Variants in VWC2L observed in about 807,000 individuals in gnomAD.
The protein encoded by VWC2L is von Willebrand factor C domain containing 2 like.
In VWC2L, 10 loss-of-function variants were observed where a neutral mutation model predicts 21.6. That is an observed-to-expected ratio of 0.46 (90% CI 0.29 to 0.78). The LOEUF is 0.78. VWC2L is among the 30% of genes least tolerant of loss of function. VWC2L has a pLI of 0.10. For missense variants in VWC2L, 209 were observed against 277.1 expected, an observed-to-expected ratio of 0.75 and a Z score of 1.74; for synonymous variants, 96 against 94.3, an observed-to-expected ratio of 1.02 and a Z score of -0.10.
At chr2:214,554,827 G>A (rs1574633849) in intron 3 of VWC2L, among the ~76,000 whole-genome samples, 1 of 152,220 alleles carries the variant, frequency 6.6e-6, no homozygotes, top group Middle Eastern at 3.4e-3. Context: ...CAGACAGCAG[G>A]CCCTGAAAGA....
At chr2:214,526,298 C>A (rs1689335184) in intron 3 of VWC2L, among the ~76,000 whole-genome samples, 1 of 152,058 alleles carries the variant, frequency 6.6e-6, no homozygotes, top group South Asian at 2.1e-4. Context: ...ACTTACATTT[C>A]CATGTAGTTC....
intron 3 of VWC2L, chr2:214,536,715 C>G (rs959777073): frequency 1.3e-5 from 2 of 151,930 alleles, no homozygotes; most frequent in African/African-American, 2.4e-5. Context: ...TATATCTAAT[C>G]TCTTCCTTCC....
intron 3 of VWC2L, among the ~76,000 whole-genome samples, chr2:214,469,578 GAGGGAGA>G (rs1703274950): frequency 6.6e-6 from 1 of 151,002 alleles, no homozygotes; most frequent in Non-Finnish European, 1.5e-5. Context: ...CTGGGCGACA[GAGGGAGA>G]CTCTGTCTCC....
chr2:214,465,733 T>C (rs928199256), intron 3 of VWC2L, among the ~76,000 whole-genome samples: 26 of 152,146 alleles, frequency 1.7e-4, no homozygotes, highest in African/African-American at 6.3e-4. Context: ...CTTTCAAGTT[T>C]ATTTAGGACC....
chr2:214,561,335 C>T (rs1689967195), intron 3 of VWC2L, among the ~76,000 whole-genome samples: 1 of 152,182 alleles, frequency 6.6e-6, no homozygotes, highest in Non-Finnish European at 1.5e-5. Flanking sequence ...AATTGGTTTC[C>T]TCTTGGCCAC....
chr2:214,569,419 G>A (rs1377280867), intron 3 of VWC2L, among the ~76,000 whole-genome samples: 2 of 152,106 alleles, frequency 1.3e-5, no homozygotes, highest in Non-Finnish European at 2.9e-5. Flanking sequence ...CCAGTCTAGT[G>A]GATGTGTCCA....
At chr2:214,551,901 G>A (rs186082810) in intron 3 of VWC2L, among the ~76,000 whole-genome samples, 1 of 152,318 alleles carries the variant, frequency 6.6e-6, no homozygotes, top group East Asian at 1.9e-4. Context: ...CCCAGCAGAC[G>A]ATGTCTTTCC....
chr2:214,434,903 G>A (rs1199116247), intron 2 of VWC2L, among the ~76,000 whole-genome samples: 1 of 152,128 alleles, frequency 6.6e-6, no homozygotes, highest in Non-Finnish European at 1.5e-5. Flanking sequence ...TCAACAAGAA[G>A]GGAACCAGAA....
At chr2:214,528,042 A>C (rs1359032302) in intron 3 of VWC2L, among the ~76,000 whole-genome samples, 2 of 152,250 alleles carry the variant, frequency 1.3e-5, no homozygotes, top group African/African-American at 4.8e-5. Context: ...AACAGAGGAA[A>C]CTGAAGCTCA....
chr2:214,481,243 G>C (rs1037778364), intron 3 of VWC2L, among the ~76,000 whole-genome samples: 1 of 152,188 alleles, frequency 6.6e-6, no homozygotes, highest in African/African-American at 2.4e-5. Context: ...GATTGCAGCA[G>C]AAATGATGTT....
intron 3 of VWC2L, among the ~76,000 whole-genome samples, chr2:214,489,313 G>C (rs2126200321): frequency 6.6e-6 from 1 of 152,280 alleles, no homozygotes; most frequent in Middle Eastern, 3.4e-3. Context: ...ATTTTAAGGA[G>C]AGAAATAGAA....
chr2:214,540,936 T>C (rs1689617248), intron 3 of VWC2L, among the ~76,000 whole-genome samples: 1 of 152,234 alleles, frequency 6.6e-6, no homozygotes, highest in African/African-American at 2.4e-5. Flanking sequence ...TATTGCACTT[T>C]ATTTTAGCCC....
intron 3 of VWC2L, among the ~76,000 whole-genome samples, chr2:214,560,888 C>A (rs1164358364): frequency 1.3e-5 from 2 of 152,162 alleles, no homozygotes; most frequent in African/African-American, 4.8e-5. Context: ...ACCATTTAAC[C>A]ACCATGTACT....
At chr2:214,433,529 C>T (rs1179791579) in intron 2 of VWC2L, among the ~76,000 whole-genome samples, 2 of 152,100 alleles carry the variant, frequency 1.3e-5, no homozygotes, top group South Asian at 4.1e-4. Flanking sequence ...TTTACAGGGA[C>T]ATTTTCAGGT....
At chr2:214,464,782 G>A (rs893989465) in intron 3 of VWC2L, among the ~76,000 whole-genome samples, 1 of 152,110 alleles carries the variant, frequency 6.6e-6, no homozygotes, top group African/African-American at 2.4e-5. Context: ...GGCAGGCCCT[G>A]GAGTCAGAAA....
intron 2 of VWC2L, among the ~76,000 whole-genome samples, chr2:214,422,792 T>C (rs1261047839): frequency 6.6e-6 from 1 of 152,162 alleles, no homozygotes; most frequent in Non-Finnish European, 1.5e-5. Context: ...AATAAAGTAC[T>C]AAAGTGACAA....
At chr2:214,488,254 C>T (rs888283864) in intron 3 of VWC2L, among the ~76,000 whole-genome samples, 3 of 152,176 alleles carry the variant, frequency 2.0e-5, no homozygotes, top group African/African-American at 7.2e-5. Context: ...TTATGTCTCT[C>T]ATTTATAGCT....
rs146419665 is a variant in VWC2L at position 214,498,157 on chromosome 2, T to C, written c.520+61399T>C. Among the ~76,000 whole-genome samples, 1,259 of 152,244 alleles carry C rather than the reference T, an allele frequency of 8.3e-3. 11 individuals carry two copies. The highest frequency in any genetic ancestry group is 0.024 in the Middle Eastern group (7 of 294). On this transcript the variant is annotated intron_variant, in intron 3 of 3. Transcript: ENST00000312504. ...TAGGAGATGTTTATGGGCCTGGCCA[T>C]TTATCACTCCACCCACCTTTGCATG...
chr2:214,488,500 G>A (rs893728630), intron 3 of VWC2L, among the ~76,000 whole-genome samples: 7 of 152,192 alleles, frequency 4.6e-5, no homozygotes, highest in Admixed American at 3.3e-4. Flanking sequence ...TTGGGGGGCT[G>A]AGGCAGGAGG....
Sources: gnomAD v4.1 joint callset for allele counts (sites outside exome capture counted in the v4.1 genomes callset) on GRCh38, gnomAD v4.1.1 for gene constraint, MANE v1.5 for transcripts, NCBI Gene and HGNC (gene_info 2026-07-23, HGNC 2026-07-21) for gene names.